The following ZFHX3 variants were observed in gnomAD, a reference collection of about 807,000 sequenced individuals.
ZFHX3 encodes the protein zinc finger homeobox 3.
ZFHX3 carries 42 observed loss-of-function variants against 279.1 expected under a neutral mutation model. The observed-to-expected ratio is 0.15, with a 90% CI of 0.12 to 0.19. The LOEUF (loss-of-function observed/expected upper bound fraction) is 0.19. Among genes scored for constraint, ZFHX3 ranks in the 10% least tolerant of loss-of-function variants. The pLI, the probability that ZFHX3 is intolerant of heterozygous loss-of-function variation, is 1.00. For missense variants in ZFHX3, 4,981 were observed against 4,754.0 expected (o/e 1.05, Z -1.40); for synonymous variants, 2,293 against 1,957.8 (o/e 1.17, Z -4.52).
chr16:73,743,614 C>A (rs1283858026), intron 1 of ZFHX3, among the ~76,000 whole-genome samples: 2 of 152,028 alleles, frequency 1.3e-5, no homozygotes, highest in Non-Finnish European at 2.9e-5. Context: ...AAATTTATAT[C>A]TAAGTTCTTA....
chr16:73,871,859 T>A (rs1425774343), intron 1 of ZFHX3, among the ~76,000 whole-genome samples: 1 of 152,184 alleles, frequency 6.6e-6, no homozygotes, highest in African/African-American at 2.4e-5. Context: ...CAGAGCCACC[T>A]GAACTATATA....
chr16:73,161,903 G>T (rs1283500815), intron 5 of ZFHX3, among the ~76,000 whole-genome samples: 1 of 152,190 alleles, frequency 6.6e-6, no homozygotes, highest in Non-Finnish European at 1.5e-5. Context: ...CTGAGAAGAA[G>T]AGGGGTGTGT....
At chr16:73,699,272 C>T (rs1257324217) in intron 1 of ZFHX3, among the ~76,000 whole-genome samples, 1 of 152,100 alleles carries the variant, frequency 6.6e-6, no homozygotes, top group African/African-American at 2.4e-5. Flanking sequence ...GAAACTCTCT[C>T]TGCTACGTTA....
At chr16:73,354,010 A>C (rs1330566593) in intron 3 of ZFHX3, among the ~76,000 whole-genome samples, 2 of 152,142 alleles carry the variant, frequency 1.3e-5, no homozygotes, top group African/African-American at 4.8e-5. Flanking sequence ...GAGAGAAGGA[A>C]ACTGAGGCTC....
intron 1 of ZFHX3, among the ~76,000 whole-genome samples, chr16:73,740,582 T>C (rs947226459): frequency 2.6e-5 from 4 of 152,198 alleles, no homozygotes; most frequent in Non-Finnish European, 5.9e-5. Context: ...TCATCCATAA[T>C]AGGATGGTAT....
intron 1 of ZFHX3, among the ~76,000 whole-genome samples, chr16:73,774,597 C>A (rs895557817): frequency 2.0e-5 from 3 of 152,196 alleles, no homozygotes; most frequent in African/African-American, 4.8e-5. Flanking sequence ...ATGCACCCCC[C>A]AAAGATGGTG....
intron 2 of ZFHX3, among the ~76,000 whole-genome samples, chr16:73,631,921 TCTCTCTCACACACACACACA>T (rs1270508974): frequency 9.4e-6 from 1 of 105,920 alleles, no homozygotes; most frequent in Non-Finnish European, 2.0e-5. Context: ...TCTCTCTCTC[TCTCTCTCACACACACACACA>T]CACACACACA....
chr16:73,741,632 G>C (rs1341437202), intron 1 of ZFHX3, among the ~76,000 whole-genome samples: 1 of 152,108 alleles, frequency 6.6e-6, no homozygotes, highest in Non-Finnish European at 1.5e-5. Context: ...ACAGAAGCTT[G>C]ACCACTGAGC....
intron 1 of ZFHX3, among the ~76,000 whole-genome samples, chr16:73,688,003 A>G (rs762629810): frequency 6.6e-6 from 1 of 152,134 alleles, no homozygotes; most frequent in African/African-American, 2.4e-5. Context: ...GAGCAGGCAC[A>G]TTTCAGTGGA....
At chr16:73,096,155 C>T (rs1206835166) in intron 7 of ZFHX3, among the ~76,000 whole-genome samples, 1 of 152,102 alleles carries the variant, frequency 6.6e-6, no homozygotes, top group Non-Finnish European at 1.5e-5. Context: ...GACCTGGAAA[C>T]TCTTTACTGC....
intron 1 of ZFHX3, among the ~76,000 whole-genome samples, chr16:73,718,949 C>T (rs1258634232): frequency 2.0e-5 from 3 of 152,130 alleles, no homozygotes; most frequent in East Asian, 1.9e-4. Flanking sequence ...AGCCCTCCTC[C>T]GTCAGATCAT....
chr16:73,201,001 T>C (rs1253185537), intron 5 of ZFHX3, among the ~76,000 whole-genome samples: 1 of 152,192 alleles, frequency 6.6e-6, no homozygotes, highest in African/African-American at 2.4e-5. Flanking sequence ...ATGTGCACTC[T>C]AAATTTCTTT....
At chr16:73,774,800 A>G (rs530543705) in intron 1 of ZFHX3, among the ~76,000 whole-genome samples, 21 of 152,338 alleles carry the variant, frequency 1.4e-4, no homozygotes, top group African/African-American at 5.1e-4. Context: ...GTGAGTGAGC[A>G]TGTAAATGAA....
intron 2 of ZFHX3, among the ~76,000 whole-genome samples, chr16:73,575,367 G>A (rs902052371): frequency 6.6e-6 from 1 of 152,088 alleles, no homozygotes; most frequent in African/African-American, 2.4e-5. Flanking sequence ...CCCTGTTCCG[G>A]GCACATGATG....
intron 3 of ZFHX3, among the ~76,000 whole-genome samples, chr16:72,943,593 G>A (rs1214105159): frequency 6.6e-6 from 1 of 152,140 alleles, no homozygotes; most frequent in Non-Finnish European, 1.5e-5. Context: ...ATCTACATTA[G>A]AACAATGAAA....
rs763906082 is a variant in ZFHX3 at position 72,950,880 on chromosome 16, G to C, written c.2805C>G (p.Ile935Met). The change falls in exon 3 of 10, where the codon ATC (isoleucine) becomes ATG (methionine). Residue 935 changes from isoleucine to methionine, a missense_variant. Transcript: ENST00000268489. ...EELMNLGESF[I>M]QTNDPSLKLF... Reference sequence around the variant, plus strand: ...GCTTCAGCGACGGGTCGTTGGTCTGGATGAAGCTCTCGCCCAGGTTCATCA... The same window carrying C: ...GCTTCAGCGACGGGTCGTTGGTCTGCATGAAGCTCTCGCCCAGGTTCATCA... The C allele has an allele frequency of 1.9e-6, 3 of 1,613,932 alleles. No individual in the cohort carries two copies. Among genetic ancestry groups the C allele is most frequent in the Non-Finnish European group, 1.7e-6 (2 of 1,180,044 alleles).
chr16:73,621,521 G>T (rs1012576788), intron 2 of ZFHX3, among the ~76,000 whole-genome samples: 1 of 152,112 alleles, frequency 6.6e-6, no homozygotes, highest in African/African-American at 2.4e-5. Flanking sequence ...AAATGGTTGT[G>T]TTTATTTGAG....
intron 4 of ZFHX3, among the ~76,000 whole-genome samples, chr16:73,308,447 T>C (rs566132207): frequency 3.5e-4 from 53 of 151,552 alleles, no homozygotes; most frequent in Non-Finnish European, 5.9e-4. Context: ...CTCACCACCA[T>C]GCCTGGCTAA....
At chr16:73,283,349 G>A (rs1013823304) in intron 4 of ZFHX3, among the ~76,000 whole-genome samples, 11 of 152,190 alleles carry the variant, frequency 7.2e-5, no homozygotes, top group African/African-American at 2.4e-4. Context: ...CCAGGGACAC[G>A]TGTTGAGCCC....
Sources: allele counts gnomAD v4.1 joint callset (sites outside exome capture counted in the v4.1 genomes callset), GRCh38; gene constraint gnomAD v4.1.1; transcripts MANE v1.5; gene names NCBI Gene and HGNC (gene_info 2026-07-23, HGNC 2026-07-21).